ZRSR2: variants seen among roughly 807,000 people sequenced by gnomAD.
The protein encoded by ZRSR2 is U2 small nuclear ribonucleoprotein auxiliary factor 35 kDa subunit-related protein 2.
Under a neutral mutation model 39.4 loss-of-function variants are expected in ZRSR2, and 3 were observed. The ratio of observed to expected loss-of-function variants is 0.08; its 90% CI spans 0.03 to 0.20. The LOEUF (loss-of-function observed/expected upper bound fraction) is 0.20, where lower values mean the gene tolerates loss of function less well. Ranked by LOEUF, ZRSR2 falls within the 10% of genes least tolerant of loss-of-function variation. The pLI is 1.00. For synonymous variants in ZRSR2, 137 were observed against 136.0 expected (o/e 1.01, Z -0.05); for missense variants, 256 against 391.5 (o/e 0.65, Z 2.92).
At chrX:15,799,058 C>T (rs774926995) in intron 2 of ZRSR2, among the ~76,000 whole-genome samples, 56 of 109,609 alleles carry the variant, frequency 5.1e-4, no homozygotes, top group Non-Finnish European at 7.2e-4. Context: ...TGGTGGCGCG[C>T]GCCTGTAGTC....
intron 3 of ZRSR2, among the ~76,000 whole-genome samples, chrX:15,802,995 G>A (rs1320611261): frequency 9.1e-6 from 1 of 109,379 alleles, no homozygotes; most frequent in Non-Finnish European, 1.9e-5. Flanking sequence ...GGGTGCAGTG[G>A]CTCACACATG....
chrX:15,821,347 C>T (rs1317217852), intron 10 of ZRSR2, among the ~76,000 whole-genome samples: 1 of 109,072 alleles, frequency 9.2e-6, no homozygotes, highest in Non-Finnish European at 1.9e-5. Context: ...AAAAAAAACA[C>T]TTTATTTTCC....
At chrX:15,797,794 C>T (rs190803053) in intron 2 of ZRSR2, among the ~76,000 whole-genome samples, 79 of 111,310 alleles carry the variant, frequency 7.1e-4, no homozygotes, top group African/African-American at 2.5e-3. Flanking sequence ...TGCATATGTC[C>T]GATTGTACAC....
Position 15,803,684 on chromosome X carries a change from A to G in ZRSR2, c.204-4A>G. The G allele has an allele frequency of 8.3e-7, 1 of 1,198,745 alleles. No individual in the cohort carries two copies. The highest frequency in any genetic ancestry group is 1.1e-6 in the Non-Finnish European group (1 of 888,229). ...TTTATCTGATTACATCATTATACTG[A>G]TAGGCAAAGATTACATGAGGAGTGG... On this transcript the variant is annotated splice_region_variant and splice_polypyrimidine_tract_variant and intron_variant, in intron 3 of 10. Coordinates refer to ENST00000307771, the MANE Select transcript of ZRSR2 (RefSeq NM_005089.4).
chrX:15,800,345 C>T (rs759690430), intron 3 of ZRSR2, among the ~76,000 whole-genome samples: 3 of 108,879 alleles, frequency 2.8e-5, no homozygotes, highest in Non-Finnish European at 5.7e-5. Flanking sequence ...CACCACCACA[C>T]CCAGCTAATT....
At chrX:15,802,491 G>A (rs1197612830) in intron 3 of ZRSR2, among the ~76,000 whole-genome samples, 3 of 112,439 alleles carry the variant, frequency 2.7e-5, no homozygotes, top group South Asian at 7.2e-4. Flanking sequence ...ACGAAGTCTC[G>A]CTCTGTCACC....
chrX:15,796,174 A>C (rs757151590), intron 2 of ZRSR2, among the ~76,000 whole-genome samples: 2 of 110,704 alleles, frequency 1.8e-5, no homozygotes, highest in Non-Finnish European at 3.8e-5. Flanking sequence ...GATTACAGAC[A>C]CGCACCACCG....
intron 2 of ZRSR2, among the ~76,000 whole-genome samples, chrX:15,795,190 A>G (rs1236313148): frequency 9.4e-6 from 1 of 106,011 alleles, no homozygotes; most frequent in Non-Finnish European, 1.9e-5. Context: ...TTTTTTCTCC[A>G]GCAGGACTTT....
chrX:15,816,055 C>T (rs1479159156), intron 8 of ZRSR2, among the ~76,000 whole-genome samples, 165 bp downstream of exon 8: 1 of 111,809 alleles, frequency 8.9e-6, no homozygotes, highest in African/African-American at 3.3e-5. Context: ...GCCAATGTCA[C>T]GTCAATACCA....
intron 2 of ZRSR2, among the ~76,000 whole-genome samples, chrX:15,798,903 C>G (rs987671452): frequency 2.7e-5 from 3 of 111,785 alleles, no homozygotes; most frequent in Non-Finnish European, 5.6e-5. Context: ...GTTACCCACC[C>G]AGGGCCGGAC....
chrX:15,822,609 A>G, intron 10 of ZRSR2, 122 bp from the exon 11 acceptor site: 1 of 1,130,842 alleles, frequency 8.8e-7, no homozygotes, highest in Non-Finnish European at 1.2e-6. Context: ...CCTTTTACAT[A>G]ATACACAGTA....
At position 15,804,201 on chromosome X, in the gene ZRSR2, A is replaced by AT; in HGVS notation, c.399+6dup. On this transcript the variant is annotated splice_donor_region_variant and intron_variant, in intron 5 of 10. Transcript: ENST00000307771. ...ACAGGAGAAGAAAGAAAAAGAGGTG[A>AT]TTCCTGTCATGGGATGTGCTGTGTG... The AT allele has an allele frequency of 1.7e-6, 2 of 1,190,441 alleles. No individual in the cohort carries two copies. The highest frequency in any genetic ancestry group is 2.3e-6 in the Non-Finnish European group (2 of 888,007).
At chrX:15,815,649 T>C in intron 7 of ZRSR2, 28 bp from the exon 8 acceptor site, 1 of 1,148,586 alleles carries the variant, frequency 8.7e-7, no homozygotes, top group Non-Finnish European at 1.2e-6. Flanking sequence ...ATTGGCCTAG[T>C]GAATTTAAGC....
At chrX:15,810,166 G>A (rs936409552) in intron 7 of ZRSR2, among the ~76,000 whole-genome samples, 4 of 112,044 alleles carry the variant, frequency 3.6e-5, no homozygotes, top group Non-Finnish European at 5.6e-5. Context: ...CACTCTTCTT[G>A]TTCCCTGCCC....
At chrX:15,812,230 C>T (rs1266486303) in intron 7 of ZRSR2, among the ~76,000 whole-genome samples, 2 of 112,480 alleles carry the variant, frequency 1.8e-5, no homozygotes, top group African/African-American at 3.2e-5. Context: ...CGCCTGGCTG[C>T]GAACATTTCT....
chrX:15,797,053 G>A (rs1384388350), intron 2 of ZRSR2, among the ~76,000 whole-genome samples: 2 of 108,399 alleles, frequency 1.8e-5, no homozygotes, highest in Admixed American at 2.0e-4. Flanking sequence ...CTCGGCCTCC[G>A]AAAGTGCTAG....
chrX:15,822,147 C>T (rs971375336), intron 10 of ZRSR2, among the ~76,000 whole-genome samples: 1 of 110,663 alleles, frequency 9.0e-6, no homozygotes, highest in Non-Finnish European at 1.9e-5. Flanking sequence ...CCTGCCACCA[C>T]GCCCAGCTAA....
intron 9 of ZRSR2, among the ~76,000 whole-genome samples, chrX:15,819,568 G>A (rs758600774): frequency 1.3e-4 from 14 of 110,261 alleles, no homozygotes; most frequent in Admixed American, 1.3e-3. Context: ...CAGAGTGAGA[G>A]TAAGACTCCA....
At chrX:15,795,805 A>T (rs951126019) in intron 2 of ZRSR2, among the ~76,000 whole-genome samples, 1 of 111,409 alleles carries the variant, frequency 9.0e-6, no homozygotes, top group Non-Finnish European at 1.9e-5. Context: ...GTTTTTCTAG[A>T]ATAGGATACT....
Sources: allele counts gnomAD v4.1 joint callset (sites outside exome capture counted in the v4.1 genomes callset), GRCh38; gene constraint gnomAD v4.1.1; transcripts MANE v1.5; gene names NCBI Gene and HGNC (gene_info 2026-07-23, HGNC 2026-07-21).